Variants in FAM107B observed in about 807,000 individuals in gnomAD.
FAM107B encodes the protein protein FAM107B.
A neutral mutation model predicts 31.5 loss-of-function variants in FAM107B; 21 were observed. That is an observed-to-expected ratio of 0.67 (90% CI 0.47 to 0.96). The LOEUF is 0.96. Ranked by LOEUF, FAM107B falls within the 40% of genes least tolerant of loss-of-function variation. The pLI is 0.00. For missense variants in FAM107B, 452 were observed against 377.1 expected, an observed-to-expected ratio of 1.20 and a Z score of -1.64; for synonymous variants, 157 against 141.5, an observed-to-expected ratio of 1.11 and a Z score of -0.78.
chr10:14,731,960 C>T (rs1335345865), intron 1 of FAM107B, among the ~76,000 whole-genome samples: 1 of 152,200 alleles, frequency 6.6e-6, no homozygotes, highest in East Asian at 1.9e-4. Context: ...CATGATGCTA[C>T]TTCCCTGCTT....
At chr10:14,558,744 C>G (rs1041557526) in intron 2 of FAM107B, among the ~76,000 whole-genome samples, 1 of 152,122 alleles carries the variant, frequency 6.6e-6, no homozygotes, top group Admixed American at 6.5e-5. Context: ...CTGGAGACCA[C>G]CTATAGTTTC....
At chr10:14,723,612 A>T in intron 1 of FAM107B, 1 of 695,108 alleles carries the variant, frequency 1.4e-6, no homozygotes, top group Non-Finnish European at 2.6e-6. Flanking sequence ...AATCTGTGTG[A>T]CACAGAGCAA....
chr10:14,653,962 A>T (rs979967459), intron 2 of FAM107B: 2 of 152,192 alleles, frequency 1.3e-5, no homozygotes, highest in Admixed American at 6.5e-5. Context: ...TCTTGCCTGA[A>T]AACTGTAAGG....
intron 2 of FAM107B, among the ~76,000 whole-genome samples, chr10:14,639,894 T>C (rs958943297): frequency 7.9e-5 from 12 of 152,208 alleles, no homozygotes; most frequent in African/African-American, 2.9e-4. Context: ...ACCTTCTTTC[T>C]TTGTCTAACA....
chr10:14,529,133 T>C (rs1183902752), intron 3 of FAM107B, among the ~76,000 whole-genome samples: 6 of 152,220 alleles, frequency 3.9e-5, no homozygotes, highest in African/African-American at 1.4e-4. Flanking sequence ...CCAGGCAGGA[T>C]AGGATGGCTT....
At chr10:14,589,723 A>G (rs1404299937) in intron 2 of FAM107B, among the ~76,000 whole-genome samples, 1 of 152,200 alleles carries the variant, frequency 6.6e-6, no homozygotes, top group Non-Finnish European at 1.5e-5. Context: ...CCTAGATGAC[A>G]GATTGATGGG....
chr10:14,561,367 T>C (rs146245168), intron 2 of FAM107B, among the ~76,000 whole-genome samples: 1 of 152,308 alleles, frequency 6.6e-6, no homozygotes, highest in African/African-American at 2.4e-5. Flanking sequence ...GGGTGCACTA[T>C]TGTGGATATT....
chr10:14,684,078 G>A (rs1052597662), intron 1 of FAM107B, among the ~76,000 whole-genome samples: 3 of 152,174 alleles, frequency 2.0e-5, no homozygotes, highest in Non-Finnish European at 4.4e-5. Context: ...TCCGATGAGG[G>A]CACACTTCCT....
intron 2 of FAM107B, among the ~76,000 whole-genome samples, chr10:14,574,781 C>T (rs1464537294): frequency 6.6e-6 from 1 of 152,146 alleles, no homozygotes; most frequent in Non-Finnish European, 1.5e-5. Flanking sequence ...AAAGCATCTC[C>T]ACCCCCAACA....
chr10:14,553,398 AAAAC>A (rs1404513617), intron 2 of FAM107B: 1 of 1,267,186 alleles, frequency 7.9e-7, no homozygotes, highest in Middle Eastern at 2.2e-4. Context: ...CTTTAAAAAA[AAAAC>A]ATAGTGAAAG....
chr10:14,629,987 T>C (rs991062249), intron 2 of FAM107B, among the ~76,000 whole-genome samples: 7 of 152,126 alleles, frequency 4.6e-5, no homozygotes, highest in African/African-American at 1.7e-4. Context: ...AAAATGGATA[T>C]ATCTTTTTTG....
intron 2 of FAM107B, among the ~76,000 whole-genome samples, chr10:14,595,399 G>A (rs1036940764): frequency 6.7e-6 from 1 of 148,810 alleles, no homozygotes; most frequent in African/African-American, 2.5e-5. Context: ...CCTAATTCTG[G>A]CTCAGCTTCT....
chr10:14,629,596 T>C lies in FAM107B; in HGVS notation c.469+38038A>G, dbSNP rs956251526. Reference sequence around the variant, plus strand: ...GACACCATCTCAGCTCACTGCAAGCTCCGCCTCCCGGGTTCCAGCCATTCT... The same window carrying C: ...GACACCATCTCAGCTCACTGCAAGCCCCGCCTCCCGGGTTCCAGCCATTCT... On this transcript the variant is annotated intron_variant, in intron 2 of 4. Coordinates refer to ENST00000181796, the MANE Select transcript of FAM107B (RefSeq NM_031453.4). 2.1e-4 allele frequency among the ~76,000 whole-genome samples: 31 copies of C among 145,446 alleles called. 1 individual carries two copies. The highest frequency in any genetic ancestry group is 7.9e-4 in the African/African-American group (31 of 39,026).
At chr10:14,690,397 T>A (rs1327414040) in intron 1 of FAM107B, among the ~76,000 whole-genome samples, 3 of 152,190 alleles carry the variant, frequency 2.0e-5, no homozygotes, top group Non-Finnish European at 1.5e-5. Flanking sequence ...ATTACTAGTA[T>A]CCCTGGTGGC....
intron 1 of FAM107B, among the ~76,000 whole-genome samples, chr10:14,675,620 C>A (rs1356810795): frequency 6.6e-6 from 1 of 152,170 alleles, no homozygotes; most frequent in Non-Finnish European, 1.5e-5. Flanking sequence ...AGAAATGTTT[C>A]CCTATCATGA....
chr10:14,598,233 C>A (rs1012943222), intron 2 of FAM107B, among the ~76,000 whole-genome samples: 1 of 152,126 alleles, frequency 6.6e-6, no homozygotes, highest in Non-Finnish European at 1.5e-5. Context: ...GTGGCAGCCG[C>A]GTAATTACTG....
chr10:14,697,993 C>A (rs1346820566), intron 1 of FAM107B, among the ~76,000 whole-genome samples: 1 of 152,060 alleles, frequency 6.6e-6, no homozygotes, highest in Non-Finnish European at 1.5e-5. Context: ...GGCTAGGTGG[C>A]ACGTGCCTGT....
At chr10:14,568,855 G>A (rs1850940260) in intron 2 of FAM107B, among the ~76,000 whole-genome samples, 1 of 151,766 alleles carries the variant, frequency 6.6e-6, no homozygotes, top group Non-Finnish European at 1.5e-5. Context: ...GGAAGGAGGG[G>A]GAGAGACAGG....
chr10:14,580,693 TA>T (rs919914074), intron 2 of FAM107B, among the ~76,000 whole-genome samples: 100 of 145,232 alleles, frequency 6.9e-4, no homozygotes, highest in South Asian at 3.7e-3. Flanking sequence ...TGTGTTTTAT[TA>T]AAAAAAAAAA....
Sources: allele counts gnomAD v4.1 joint callset (sites outside exome capture counted in the v4.1 genomes callset), GRCh38; gene constraint gnomAD v4.1.1; transcripts MANE v1.5; gene names NCBI Gene and HGNC (gene_info 2026-07-23, HGNC 2026-07-21).